SAMMSON: variants seen among roughly 807,000 people sequenced by gnomAD.
SAMMSON encodes the protein long intergenic non-protein coding RNA 1212.
intron 4 of SAMMSON, among the ~76,000 whole-genome samples, chr3:70,104,069 C>T (rs555385622): frequency 3.4e-4 from 51 of 148,724 alleles, no homozygotes; most frequent in African/African-American, 1.1e-3. Flanking sequence ...TGTGGTAGAA[C>T]GGAAAACCCA....
intron 7 of SAMMSON, among the ~76,000 whole-genome samples, chr3:70,308,413 C>T (rs1208334182): frequency 6.6e-6 from 1 of 152,064 alleles, no homozygotes; most frequent in African/African-American, 2.4e-5. Context: ...AAGAGGGTTT[C>T]TCCAAGCATG....
At chr3:70,317,262 C>T (rs1702501686) in intron 7 of SAMMSON, among the ~76,000 whole-genome samples, 1 of 151,984 alleles carries the variant, frequency 6.6e-6, no homozygotes, top group South Asian at 2.1e-4. Context: ...TTGTGCTTTG[C>T]AGATATTGCA....
At chr3:70,049,037 A>G (rs1413310613) in intron 3 of SAMMSON, among the ~76,000 whole-genome samples, 1 of 152,166 alleles carries the variant, frequency 6.6e-6, no homozygotes, top group East Asian at 1.9e-4. Context: ...TGTATTTTCT[A>G]AGATAAAAGA....
chr3:70,098,649 G>A (rs2067331859), intron 4 of SAMMSON, among the ~76,000 whole-genome samples: 1 of 152,058 alleles, frequency 6.6e-6, no homozygotes, highest in Non-Finnish European at 1.5e-5. Flanking sequence ...TTACAGGTGT[G>A]AGCCACCACG....
intron 4 of SAMMSON, among the ~76,000 whole-genome samples, chr3:70,234,475 C>T (rs1272152964): frequency 6.6e-6 from 1 of 151,802 alleles, no homozygotes; most frequent in African/African-American, 2.4e-5. Context: ...ATAACAAAAC[C>T]CCATCTCTAC....
chr3:70,430,312 G>T (rs1323377781), intron 2 of SAMMSON, among the ~76,000 whole-genome samples: 1 of 152,176 alleles, frequency 6.6e-6, no homozygotes, highest in African/African-American at 2.4e-5. Context: ...TACCAGGGAT[G>T]AAGCTGGCTT....
At chr3:70,099,764 C>T (rs984457887) in intron 4 of SAMMSON, among the ~76,000 whole-genome samples, 2 of 152,176 alleles carry the variant, frequency 1.3e-5, no homozygotes, top group South Asian at 2.1e-4. Flanking sequence ...TTCTTGCTCA[C>T]GTGGTCCCCT....
At chr3:70,181,243 G>C (rs996076144) in intron 4 of SAMMSON, among the ~76,000 whole-genome samples, 14 of 152,178 alleles carry the variant, frequency 9.2e-5, no homozygotes, top group African/African-American at 3.1e-4. Context: ...TCTCACTCTT[G>C]AAAGGCAAAG....
intron 2 of SAMMSON, among the ~76,000 whole-genome samples, chr3:70,402,653 G>C (rs1008948457): frequency 6.6e-6 from 1 of 152,154 alleles, no homozygotes; most frequent in South Asian, 2.1e-4. Context: ...CCTGAGGTCA[G>C]GAGTTCAAGA....
chr3:70,263,841 G>T (rs1196201935), intron 6 of SAMMSON, among the ~76,000 whole-genome samples: 9 of 152,046 alleles, frequency 5.9e-5, no homozygotes, highest in Admixed American at 5.9e-4. Context: ...TAGGCAGAAG[G>T]TCTGGGCGAT....
chr3:70,324,512 C>G (rs1283181742), intron 7 of SAMMSON, among the ~76,000 whole-genome samples: 1 of 152,114 alleles, frequency 6.6e-6, no homozygotes, highest in Admixed American at 6.6e-5. Context: ...AATACATATT[C>G]ACATAGTAAA....
chr3:70,245,669 CTTTATATATA>C (rs1351869780), intron 4 of SAMMSON, among the ~76,000 whole-genome samples: 7 of 72,216 alleles, frequency 9.7e-5, no homozygotes, highest in African/African-American at 3.6e-4. Flanking sequence ...TTGCAAACTG[CTTTATATATA>C]TATATATATA....
At chr3:70,227,177 T>C (rs1261215743) in intron 4 of SAMMSON, among the ~76,000 whole-genome samples, 1 of 152,196 alleles carries the variant, frequency 6.6e-6, no homozygotes, top group African/African-American at 2.4e-5. Flanking sequence ...ATTTTTGTCT[T>C]AGAAATGCCA....
chr3:70,033,549 T>C (rs968392894), intron 3 of SAMMSON, among the ~76,000 whole-genome samples: 7 of 151,998 alleles, frequency 4.6e-5, no homozygotes, highest in African/African-American at 1.7e-4. Flanking sequence ...TGAAAAACCG[T>C]ATGAGACATA....
At position 70,311,768 on chromosome 3, in the gene SAMMSON, C is replaced by T. The variant is rs1575623050; in HGVS notation, n.739+20525C>T. 3 of 387,086 alleles carry T rather than the reference C, an allele frequency of 7.8e-6. No homozygotes were observed. In the South Asian group the frequency reaches 4.3e-4, roughly 56 times the overall value. 24.0% of individuals were successfully genotyped at this position (387,086 alleles called of 1,614,324 possible). ...GAAAAAAAAAGAAAAGAGTGAAAAT[C>T]AGAAGTACTACTATTTGAACGGTCA... On this transcript the variant is annotated intron_variant and non_coding_transcript_variant, in intron 7 of 9. Coordinates refer to ENST00000642114, the Ensembl canonical transcript of SAMMSON.
At chr3:70,335,783 A>C (rs1057280330) in intron 7 of SAMMSON, among the ~76,000 whole-genome samples, 20 of 152,052 alleles carry the variant, frequency 1.3e-4, no homozygotes, top group Non-Finnish European at 2.5e-4. Flanking sequence ...AAAGCTGCTT[A>C]TTCTGATATT....
At chr3:70,328,244 G>A (rs1009570576) in intron 7 of SAMMSON, among the ~76,000 whole-genome samples, 1 of 152,024 alleles carries the variant, frequency 6.6e-6, no homozygotes, top group African/African-American at 2.4e-5. Context: ...ATTTGGGTGG[G>A]GACACAGCCC....
intron 2 of SAMMSON, among the ~76,000 whole-genome samples, chr3:70,411,098 C>T (rs1234314861): frequency 6.6e-6 from 1 of 152,170 alleles, no homozygotes; most frequent in Non-Finnish European, 1.5e-5. Context: ...TGAAGACCAT[C>T]ATTGATCTAC....
intron 4 of SAMMSON, among the ~76,000 whole-genome samples, chr3:70,124,627 A>C (rs1326591717): frequency 6.6e-6 from 1 of 151,960 alleles, no homozygotes; most frequent in Non-Finnish European, 1.5e-5. Context: ...TCTGGCTAAC[A>C]CAGTGAAATC....
Sources: gnomAD v4.1 joint callset for allele counts (sites outside exome capture counted in the v4.1 genomes callset) on GRCh38, gnomAD v4.1.1 for gene constraint, MANE v1.5 for transcripts, NCBI Gene and HGNC (gene_info 2026-07-23, HGNC 2026-07-21) for gene names.